Variants in IL1RAPL1 observed in about 807,000 individuals in gnomAD.
IL1RAPL1 encodes the protein interleukin 1 receptor accessory protein like 1.
In IL1RAPL1, 3 loss-of-function variants were observed where a neutral mutation model predicts 48.4. The observed-to-expected ratio is 0.06, with a 90% CI of 0.03 to 0.16. The LOEUF (loss-of-function observed/expected upper bound fraction) is 0.16, where lower values mean the gene tolerates loss of function less well. IL1RAPL1 is among the 10% of genes least tolerant of loss of function. IL1RAPL1 has a pLI of 1.00. For missense variants in IL1RAPL1, 349 were observed against 530.6 expected, an observed-to-expected ratio of 0.66 and a Z score of 3.36; for synonymous variants, 185 against 187.7, an observed-to-expected ratio of 0.99 and a Z score of 0.12.
chrX:28,954,834 G>C (rs1924561728), intron 2 of IL1RAPL1, among the ~76,000 whole-genome samples: 1 of 111,416 alleles, frequency 9.0e-6, no homozygotes, highest in African/African-American at 3.2e-5. Context: ...AAAGGATATT[G>C]GGAGAAATAC....
chrX:29,879,528 A>G (rs1931983423), intron 6 of IL1RAPL1, among the ~76,000 whole-genome samples: 1 of 109,723 alleles, frequency 9.1e-6, no homozygotes, highest in South Asian at 3.8e-4. Context: ...AAATATATCA[A>G]AAATATCATA....
At chrX:28,741,999 G>C (rs1935912881) in intron 1 of IL1RAPL1, among the ~76,000 whole-genome samples, 1 of 111,006 alleles carries the variant, frequency 9.0e-6, no homozygotes, top group Admixed American at 9.6e-5. Context: ...ATCAATTTCA[G>C]ACTGAAATTA....
intron 2 of IL1RAPL1, among the ~76,000 whole-genome samples, chrX:29,004,138 G>A (rs910944380): frequency 9.0e-6 from 1 of 110,994 alleles, no homozygotes; most frequent in Admixed American, 9.6e-5. Context: ...CTAGGCCACA[G>A]AGTGAGACTG....
intron 1 of IL1RAPL1, among the ~76,000 whole-genome samples, chrX:28,601,148 C>T (rs1004514377): frequency 6.3e-5 from 7 of 111,431 alleles, no homozygotes; most frequent in African/African-American, 2.0e-4. Flanking sequence ...CGGCCAGGCA[C>T]GGTGGCTCAT....
Position 29,610,748 on chromosome X carries a change from G to A in IL1RAPL1, c.704-57682G>A, listed in dbSNP as rs183806896. On this transcript the variant is annotated intron_variant, in intron 5 of 10. Transcript: ENST00000378993. The stretch of plus-strand genomic sequence containing the variant: ...TTGCTGCTGCACAAACCCCTTACGG[G>A]ATGGGGAGCACACAGATGGGCAGGT... Among the ~76,000 whole-genome samples the A allele has an allele frequency of 3.1e-3, 354 of 112,677 alleles. 3 individuals carry two copies. Among genetic ancestry groups the A allele is most frequent in the African/African-American group, 0.011 (339 of 31,011 alleles).
At chrX:29,275,362 G>A (rs1932103231) in intron 2 of IL1RAPL1, among the ~76,000 whole-genome samples, 1 of 111,113 alleles carries the variant, frequency 9.0e-6, no homozygotes, top group Admixed American at 9.6e-5. Context: ...TTTTTGGCAT[G>A]GTGTCTTGCC....
At chrX:29,240,293 G>A (rs746091408) in intron 2 of IL1RAPL1, among the ~76,000 whole-genome samples, 35 of 87,348 alleles carry the variant, frequency 4.0e-4, no homozygotes, top group Non-Finnish European at 6.2e-4. Flanking sequence ...GGAGTGCAGC[G>A]GCATGATCTC....
chrX:29,282,618 G>C (rs778979611), intron 2 of IL1RAPL1, among the ~76,000 whole-genome samples: 13 of 112,068 alleles, frequency 1.2e-4, no homozygotes, highest in Non-Finnish European at 2.3e-4. Context: ...CAAAGGCCCA[G>C]ATCTATTTTT....
rs149299966 is a variant in IL1RAPL1 at position 28,648,762 on chromosome X, T to C, written c.-25+60715T>C. Reference sequence around the variant, plus strand: ...TTGTACTTTGTAAGTTCTCTGTTGATTCTATTGAAAAGTTGGGAAGAGATG... The same window carrying C: ...TTGTACTTTGTAAGTTCTCTGTTGACTCTATTGAAAAGTTGGGAAGAGATG... On this transcript the variant is annotated intron_variant, in intron 1 of 10. Coordinates refer to ENST00000378993, the MANE Select transcript of IL1RAPL1 (RefSeq NM_014271.4). Among the ~76,000 whole-genome samples, 575 of 112,144 alleles carry C rather than the reference T, an allele frequency of 5.1e-3. 3 individuals carry two copies. The highest frequency in any genetic ancestry group is 0.018 in the African/African-American group (548 of 30,919).
intron 2 of IL1RAPL1, among the ~76,000 whole-genome samples, chrX:28,866,437 C>T (rs778537917): frequency 4.5e-5 from 5 of 111,113 alleles, no homozygotes; most frequent in Non-Finnish European, 7.5e-5. Context: ...GTATACTGCT[C>T]GGGTAATGAG....
chrX:29,546,142 A>G (rs1303944705), intron 5 of IL1RAPL1, among the ~76,000 whole-genome samples: 4 of 112,012 alleles, frequency 3.6e-5, no homozygotes, highest in African/African-American at 1.3e-4. Flanking sequence ...CCAAATGTCA[A>G]TAGTGCTGCT....
chrX:28,638,873 T>G (rs758208116), intron 1 of IL1RAPL1, among the ~76,000 whole-genome samples: 4 of 110,874 alleles, frequency 3.6e-5, no homozygotes, highest in African/African-American at 1.3e-4. Flanking sequence ...CACTCAAAAT[T>G]GTAAGTTGTG....
intron 5 of IL1RAPL1, among the ~76,000 whole-genome samples, chrX:29,439,724 A>G (rs1208149232): frequency 9.0e-6 from 1 of 110,987 alleles, no homozygotes; most frequent in Non-Finnish European, 1.9e-5. Context: ...TAAGTCTTAT[A>G]TATTATATTT....
intron 5 of IL1RAPL1, among the ~76,000 whole-genome samples, chrX:29,631,839 G>T (rs530203043): frequency 9.0e-6 from 1 of 111,133 alleles, no homozygotes; most frequent in South Asian, 3.8e-4. Flanking sequence ...ACAGCTAATT[G>T]AATCACACAC....
At chrX:29,518,079 A>AT (rs5901923) in intron 5 of IL1RAPL1, among the ~76,000 whole-genome samples, 9,469 of 110,870 alleles carry the variant, frequency 0.085, 770 homozygotes, top group African/African-American at 0.24. Flanking sequence ...CATTCAACAA[A>AT]TTTTTTTTGA....
intron 2 of IL1RAPL1, among the ~76,000 whole-genome samples, chrX:29,100,303 C>T (rs1330169509): frequency 8.9e-6 from 1 of 112,016 alleles, no homozygotes; most frequent in Non-Finnish European, 1.9e-5. Context: ...CCCTCAGAAC[C>T]AACAGAGGTT....
chrX:29,721,899 T>C (rs1442546614), intron 6 of IL1RAPL1, among the ~76,000 whole-genome samples: 1 of 112,182 alleles, frequency 8.9e-6, no homozygotes, highest in East Asian at 2.8e-4. Context: ...GTAATTGGAA[T>C]GCTTATCCAT....
intron 2 of IL1RAPL1, among the ~76,000 whole-genome samples, chrX:28,961,121 T>TAAGATA (rs1348680672): frequency 9.7e-6 from 1 of 103,402 alleles, no homozygotes; most frequent in African/African-American, 3.7e-5. Flanking sequence ...GCCCATAAAA[T>TAAGATA]GCTACATTTT....
chrX:29,530,487 G>T (rs1340616622), intron 5 of IL1RAPL1, among the ~76,000 whole-genome samples: 1 of 111,816 alleles, frequency 8.9e-6, no homozygotes, highest in African/African-American at 3.2e-5. Context: ...TTCAGACTTT[G>T]CCTGCCCAAG....
Sources: gnomAD v4.1 joint callset for allele counts (sites outside exome capture counted in the v4.1 genomes callset) on GRCh38, gnomAD v4.1.1 for gene constraint, MANE v1.5 for transcripts, NCBI Gene and HGNC (gene_info 2026-07-23, HGNC 2026-07-21) for gene names.